Variants in EML6 observed in about 807,000 individuals in gnomAD.
EML6 encodes the protein echinoderm microtubule-associated protein-like 6.
A neutral mutation model predicts 240.1 loss-of-function variants in EML6; 154 were observed. The observed-to-expected ratio is 0.64, with a 90% CI of 0.56 to 0.73. EML6 has a LOEUF of 0.73. Ranked by LOEUF, EML6 falls within the 30% of genes least tolerant of loss-of-function variation. EML6 has a pLI of 0.00. For missense variants in EML6, 2,964 were observed against 2,474.6 expected, an observed-to-expected ratio of 1.20 and a Z score of -4.20; for synonymous variants, 1,148 against 899.0, an observed-to-expected ratio of 1.28 and a Z score of -4.95.
At chr2:54,877,106 C>G (rs1400157966) in intron 16 of EML6, among the ~76,000 whole-genome samples, 1 of 152,006 alleles carries the variant, frequency 6.6e-6, no homozygotes, top group Non-Finnish European at 1.5e-5. Flanking sequence ...ACTCAGCCTC[C>G]CAAGTATCTG....
Position 54,840,924 on chromosome 2 carries a change from C to G in EML6, c.848-3123C>G, listed in dbSNP as rs550080454. On this transcript the variant is annotated intron_variant, in intron 7 of 41. Coordinates refer to ENST00000356458, the MANE Select transcript of EML6 (RefSeq NM_001039753.4). The stretch of plus-strand genomic sequence containing the variant: ...TGATGCTGAAGAGCAAAGCATTAAA[C>G]CCTTTGTGTAATAAAAGTAGATGAT... Among the ~76,000 whole-genome samples the G allele has an allele frequency of 2.6e-5, 4 of 152,360 alleles. No homozygotes were observed. In the South Asian group the frequency reaches 8.3e-4, roughly 32 times the overall value.
At chr2:54,932,695 G>A (rs976842929) in intron 28 of EML6, among the ~76,000 whole-genome samples, 3 of 152,186 alleles carry the variant, frequency 2.0e-5, no homozygotes, top group African/African-American at 7.2e-5. Flanking sequence ...GATACAAAAT[G>A]CTTATATCAT....
At position 54,844,098 on chromosome 2, in the gene EML6, C is replaced by T. The variant is rs1451203869; in HGVS notation, c.899C>T (p.Thr300Ile). ...CWKADRLLAG[T>I]QDSEIFEVIV... is the part of the protein sequence containing the mutation. ...AAAGCAGACCGCCTTCTAGCAGGGA[C>T]CCAGGACAGTGAGATATTTGAAGTG... The change falls in exon 8 of 42, where the codon ACC becomes ATC. Residue 300 changes from threonine (T) to isoleucine (I), a missense_variant. Coordinates refer to ENST00000356458, the MANE Select transcript of EML6 (RefSeq NM_001039753.4). 3 of 1,551,284 alleles carry T rather than the reference C, an allele frequency of 1.9e-6. No homozygotes were observed. In the African/African-American group the frequency reaches 4.1e-5, roughly 21 times the overall value.
chr2:54,854,074 A>C (rs1031335228), intron 11 of EML6, among the ~76,000 whole-genome samples: 1 of 152,240 alleles, frequency 6.6e-6, no homozygotes. Flanking sequence ...GAATTTGCTA[A>C]TAGAGTTATT....
intron 24 of EML6, among the ~76,000 whole-genome samples, chr2:54,904,786 G>C (rs1398192855): frequency 6.6e-6 from 1 of 152,188 alleles, no homozygotes; most frequent in African/African-American, 2.4e-5. Flanking sequence ...AGTGAGCCTG[G>C]AGTTGGAGCA....
chr2:54,846,364 A>G (rs534482577), intron 8 of EML6, among the ~76,000 whole-genome samples: 9 of 151,942 alleles, frequency 5.9e-5, no homozygotes, highest in Middle Eastern at 6.9e-3. Flanking sequence ...ATATAATTAT[A>G]TTGATTATGT....
chr2:54,839,448 G>A (rs1457746318), intron 7 of EML6, among the ~76,000 whole-genome samples: 2 of 152,230 alleles, frequency 1.3e-5, no homozygotes, highest in Non-Finnish European at 2.9e-5. Context: ...GACAATTGAT[G>A]TGTTGAAAGA....
At chr2:54,895,835 C>G (rs1326416430) in intron 21 of EML6, among the ~76,000 whole-genome samples, 1 of 152,206 alleles carries the variant, frequency 6.6e-6, no homozygotes, top group Non-Finnish European at 1.5e-5. Flanking sequence ...AGGCTGCCCA[C>G]AGTTCCTTGC....
At chr2:54,856,414 A>C (rs1439702058) in intron 11 of EML6, among the ~76,000 whole-genome samples, 1 of 152,046 alleles carries the variant, frequency 6.6e-6, no homozygotes, top group Admixed American at 6.6e-5. Flanking sequence ...TTTGCATTAC[A>C]CCTCAGCAAC....
chr2:54,900,173 T>C (rs536975541), intron 22 of EML6, among the ~76,000 whole-genome samples: 14 of 152,300 alleles, frequency 9.2e-5, no homozygotes, highest in African/African-American at 2.9e-4. Context: ...TATAGAAATA[T>C]AATACTTAAG....
At chr2:54,772,379 G>A (rs749332333) in intron 2 of EML6, among the ~76,000 whole-genome samples, 4 of 152,094 alleles carry the variant, frequency 2.6e-5, no homozygotes, top group Admixed American at 6.5e-5. Context: ...AGTAATGAGA[G>A]GTGTGGACTT....
Position 54,820,466 on chromosome 2 carries a change from A to C in EML6, c.525+4A>C, listed in dbSNP as rs1323605967. The C allele has an allele frequency of 4.6e-6, 7 of 1,531,026 alleles. No individual in the cohort carries two copies. The highest frequency in any genetic ancestry group is 4.1e-5 in the Admixed American group (2 of 49,214). The allele number at this position is 1,531,026 out of a possible 1,614,324, so 94.8% of individuals were successfully genotyped here. ...CTGTGGAGTAAAACACATAAAGGTA[A>C]AGCTTTTTGTTTTTTAATTTTGGTA... On this transcript the variant is annotated splice_donor_region_variant and intron_variant, in intron 5 of 41. Coordinates refer to ENST00000356458, the MANE Select transcript of EML6 (RefSeq NM_001039753.4).
intron 38 of EML6, chr2:54,966,770 C>G (rs1372468337): frequency 2.8e-6 from 1 of 359,268 alleles, no homozygotes; most frequent in Non-Finnish European, 5.2e-6. Context: ...GAACCGCTAT[C>G]TTAGGACTCT....
intron 7 of EML6, among the ~76,000 whole-genome samples, chr2:54,829,758 A>G (rs1668775654): frequency 6.6e-6 from 1 of 152,228 alleles, no homozygotes; most frequent in South Asian, 2.1e-4. Context: ...GAGACGTTCT[A>G]GACAAGTTGG....
At chr2:54,910,324 C>A (rs909851531) in intron 24 of EML6, among the ~76,000 whole-genome samples, 3 of 152,238 alleles carry the variant, frequency 2.0e-5, no homozygotes, top group Non-Finnish European at 4.4e-5. Flanking sequence ...GGAAATCTAA[C>A]CTTTTTCAAC....
intron 28 of EML6, among the ~76,000 whole-genome samples, chr2:54,939,677 G>A (rs184984826): frequency 6.6e-6 from 1 of 152,300 alleles, no homozygotes; most frequent in African/African-American, 2.4e-5. Context: ...CCTGGGTTCT[G>A]CTCTGTCTCT....
chr2:54,934,317 T>C (rs2104417112), intron 28 of EML6, among the ~76,000 whole-genome samples: 1 of 152,182 alleles, frequency 6.6e-6, no homozygotes, highest in South Asian at 2.1e-4. Context: ...ATGGGAAAAT[T>C]TGTATCCTCC....
chr2:54,960,111 C>T (rs1039953091), intron 34 of EML6, 109 bp from the exon 35 acceptor site: 2 of 806,776 alleles, frequency 2.5e-6, no homozygotes, highest in African/African-American at 1.7e-5. Flanking sequence ...TCCTTCTGGG[C>T]CCCAACTGGC....
chr2:54,928,277 A>T, intron 26 of EML6, 36 bp from the exon 27 acceptor site: 1 of 1,481,838 alleles, frequency 6.7e-7, no homozygotes, highest in South Asian at 1.2e-5. Context: ...AAGGAATAAC[A>T]GTGGCTGGGG....
Sources: allele counts gnomAD v4.1 joint callset (sites outside exome capture counted in the v4.1 genomes callset), GRCh38; gene constraint gnomAD v4.1.1; transcripts MANE v1.5; gene names NCBI Gene and HGNC (gene_info 2026-07-23, HGNC 2026-07-21).